HSF5: variants seen among roughly 807,000 people sequenced by gnomAD.
HSF5 encodes the protein heat shock factor protein 5.
HSF5 carries 5 observed loss-of-function variants against 50.8 expected under a neutral mutation model. That is an observed-to-expected ratio of 0.10 (90% CI 0.05 to 0.21). The LOEUF (loss-of-function observed/expected upper bound fraction) is 0.21. Among genes scored for constraint, HSF5 ranks in the 10% least tolerant of loss-of-function variants. The pLI is 1.00. For missense variants in HSF5, 564 were observed against 762.6 expected, an observed-to-expected ratio of 0.74 and a Z score of 3.07; for synonymous variants, 307 against 307.4, an observed-to-expected ratio of 1.00 and a Z score of 0.02.
intron 5 of HSF5, among the ~76,000 whole-genome samples, chr17:58,424,691 C>T (rs906646891): frequency 1.3e-5 from 2 of 151,146 alleles, no homozygotes; most frequent in African/African-American, 2.4e-5. Context: ...AAGGCTGAGG[C>T]GGAAGGATTG....
intron 3 of HSF5, among the ~76,000 whole-genome samples, chr17:58,464,521 C>T (rs897359967): frequency 6.6e-6 from 1 of 152,230 alleles, no homozygotes; most frequent in African/African-American, 2.4e-5. Context: ...ACTAAACCAA[C>T]TGCATTTATT....
At chr17:58,444,788 A>T (rs1294281883) in intron 5 of HSF5, among the ~76,000 whole-genome samples, 1 of 152,212 alleles carries the variant, frequency 6.6e-6, no homozygotes, top group Non-Finnish European at 1.5e-5. Flanking sequence ...AAATAGCATA[A>T]AAGGCAACTC....
chr17:58,476,356 T>G, intron 2 of HSF5: 1 of 1,098,178 alleles, frequency 9.1e-7, no homozygotes, highest in South Asian at 1.2e-5. Context: ...AGTACCTGCA[T>G]CAGAATGGTC....
rs556529409 is a variant in HSF5 at position 58,443,828 on chromosome 17, T to C, written c.1720+14940A>G. On this transcript the variant is annotated intron_variant, in intron 5 of 5. Coordinates refer to ENST00000323777, the MANE Select transcript of HSF5 (RefSeq NM_001080439.3). Reference sequence around the variant, plus strand: ...AGTGACTGTGCCATTACTAAGATGATGTAGAAAAAACATGTGGTTACGTCT... The same window carrying C: ...AGTGACTGTGCCATTACTAAGATGACGTAGAAAAAACATGTGGTTACGTCT... 7.9e-5 allele frequency among the ~76,000 whole-genome samples: 12 copies of C among 152,318 alleles called. No homozygotes were observed. The East Asian group carries it at 2.3e-3, about 29-fold the overall frequency.
intron 3 of HSF5, among the ~76,000 whole-genome samples, chr17:58,465,803 C>G (rs892449213): frequency 4.6e-5 from 7 of 152,172 alleles, no homozygotes; most frequent in African/African-American, 1.7e-4. Context: ...TAAAAGTATC[C>G]TTAAAATAGC....
chr17:58,452,112 G>A (rs1974649543), intron 5 of HSF5, among the ~76,000 whole-genome samples: 1 of 151,722 alleles, frequency 6.6e-6, no homozygotes, highest in South Asian at 2.1e-4. Flanking sequence ...AGCCAAGCAT[G>A]GTGTCACACA....
chr17:58,485,109 C>T (rs1441112267), intron 1 of HSF5, among the ~76,000 whole-genome samples: 1 of 151,906 alleles, frequency 6.6e-6, no homozygotes, highest in Non-Finnish European at 1.5e-5. Flanking sequence ...CACCCGCCAC[C>T]ACGCCCAGCT....
intron 5 of HSF5, among the ~76,000 whole-genome samples, chr17:58,426,959 A>G (rs1228063561): frequency 6.6e-6 from 1 of 152,192 alleles, no homozygotes; most frequent in African/African-American, 2.4e-5. Context: ...CTCTTATGAA[A>G]AAAAAATGTT....
intron 5 of HSF5, 120 bp downstream of exon 5, chr17:58,458,648 C>T (rs987248072): frequency 2.8e-6 from 2 of 703,230 alleles, no homozygotes; most frequent in Non-Finnish European, 4.6e-6. Context: ...GTAAAAACAG[C>T]AATGTGACAG....
intron 5 of HSF5, among the ~76,000 whole-genome samples, chr17:58,449,061 C>T (rs1258281562): frequency 6.6e-6 from 1 of 152,068 alleles, no homozygotes; most frequent in East Asian, 1.9e-4. Flanking sequence ...GTCAAGTTGT[C>T]ATCAGTTTAA....
intron 4 of HSF5, among the ~76,000 whole-genome samples, 165 bp from the exon 5 acceptor site, chr17:58,459,110 T>A (rs1405376784): frequency 6.6e-6 from 1 of 152,204 alleles, no homozygotes; most frequent in Admixed American, 6.5e-5. Flanking sequence ...CTACACAAAC[T>A]ATTAAAATGT....
intron 1 of HSF5, among the ~76,000 whole-genome samples, chr17:58,482,770 C>T: frequency 7.7e-6 from 1 of 129,876 alleles, no homozygotes; most frequent in East Asian, 2.5e-4. Flanking sequence ...AAGGTGAGAT[C>T]TTGTCTTTAC....
intron 4 of HSF5, among the ~76,000 whole-genome samples, chr17:58,459,544 G>T (rs1009133953): frequency 1.3e-5 from 2 of 151,832 alleles, no homozygotes; most frequent in African/African-American, 4.8e-5. Context: ...CTATTCGGGA[G>T]GCTGAGGCAG....
chr17:58,438,872 T>C lies in HSF5; in HGVS notation c.1721-16442A>G, dbSNP rs79151278. Among the ~76,000 whole-genome samples the C allele has an allele frequency of 2.4e-3, 368 of 152,094 alleles. 1 individual carries two copies. Among genetic ancestry groups the C allele is most frequent in the African/African-American group, 8.6e-3 (357 of 41,498 alleles). On this transcript the variant is annotated intron_variant, in intron 5 of 5. Transcript: ENST00000323777. ...TGGCTGACACCTGTAATCCCAGCAC[T>C]TTGGGAGGCTAAGTTGGGAGGATTG...
At chr17:58,486,989 C>T (rs543605111) in intron 1 of HSF5, among the ~76,000 whole-genome samples, 1 of 150,694 alleles carries the variant, frequency 6.6e-6, no homozygotes, top group South Asian at 2.1e-4. Context: ...CTTACTGCAA[C>T]CTCTGCCTCC....
chr17:58,466,631 T>C (rs576685612), intron 3 of HSF5, among the ~76,000 whole-genome samples: 2 of 152,330 alleles, frequency 1.3e-5, no homozygotes, highest in East Asian at 3.9e-4. Flanking sequence ...TTAAATTTCA[T>C]TTAATTTTAA....
Position 58,434,684 on chromosome 17 carries a change from T to A in HSF5, c.1721-12254A>T, listed in dbSNP as rs961997597. On this transcript the variant is annotated intron_variant, in intron 5 of 5. Transcript: ENST00000323777. ...ACCTGGGCAACATGGCAAGACCCTG[T>A]CTCTATAAAAATTAAAAAAATTAGC... is the stretch of plus-strand genomic sequence containing the variant. Among the ~76,000 whole-genome samples, 3 of 151,906 alleles carry A rather than the reference T, an allele frequency of 2.0e-5. No individual in the cohort carries two copies. The East Asian group carries it at 5.8e-4, about 29-fold the overall frequency.
rs914431155 is a variant in HSF5, at chr17:58,488,082, C to T, written c.193G>A (p.Ala65Thr). 1.9e-6 allele frequency: 3 copies of T among 1,577,642 alleles called. No homozygotes were observed. Among genetic ancestry groups the T allele is most frequent in the Admixed American group, 1.8e-5 (1 of 56,046 alleles). Reference sequence around the variant, plus strand: ...TTGAAGAGCTCGGGCTCGGCCCCGGCCCCCGCAGTCCCGCCACCGCCCCCC... The same window carrying T: ...TTGAAGAGCTCGGGCTCGGCCCCGGTCCCCGCAGTCCCGCCACCGCCCCCC... ...GPGGGGGTAG[A>T]GAEPELFKTT... Residue 65 changes from alanine (A) to threonine (T), a missense_variant, in exon 1 of 6, where the codon GCC becomes ACC. Transcript: ENST00000323777. The surrounding 1 kb of genome is among the most constrained non-coding windows in gnomAD (Gnocchi z 4.1).
Position 58,421,523 on chromosome 17 carries a change from CAAT to C in HSF5, c.*834_*836del, listed in dbSNP as rs1974229500. On this transcript the variant is annotated 3_prime_UTR_variant, in exon 6 of 6. Transcript: ENST00000323777. Reference sequence around the variant, plus strand: ...ATGCATCCTTTATCCTTCTATCCTGCAATAATAAAAATATAAAACTTTAAAACC... The same window carrying C: ...ATGCATCCTTTATCCTTCTATCCTGCAATAAAAATATAAAACTTTAAAACC... 6.6e-6 allele frequency: 1 copy of C among 152,030 alleles called. No individual in the cohort carries two copies. Among genetic ancestry groups the C allele is most frequent in the Non-Finnish European group, 1.5e-5 (1 of 67,998 alleles). 9.4% of individuals were successfully genotyped at this position (152,030 alleles called of 1,614,324 possible).
Sources: allele counts gnomAD v4.1 joint callset (sites outside exome capture counted in the v4.1 genomes callset), GRCh38; gene constraint gnomAD v4.1.1; non-coding constraint Gnocchi (gnomAD v3.1); transcripts MANE v1.5; gene names NCBI Gene and HGNC (gene_info 2026-07-23, HGNC 2026-07-21).